Variants in PTPRO observed in about 807,000 individuals in gnomAD.
PTPRO encodes receptor-type tyrosine-protein phosphatase O.
In PTPRO, 62 loss-of-function variants were observed where a neutral mutation model predicts 145.2. That is an observed-to-expected ratio of 0.43 (90% CI 0.35 to 0.53). The LOEUF is 0.53. Among genes scored for constraint, PTPRO ranks in the 20% least tolerant of loss-of-function variants. PTPRO has a pLI of 0.01. For synonymous variants in PTPRO, 565 were observed against 514.7 expected (o/e 1.10, Z -1.32); for missense variants, 1,345 against 1,482.7 (o/e 0.91, Z 1.53).
At chr12:15,513,158 A>T (rs1251461213) in intron 7 of PTPRO, among the ~76,000 whole-genome samples, 1 of 2,214 alleles carries the variant, frequency 4.5e-4, no homozygotes, top group Non-Finnish European at 1.5e-3. Context: ...AAAGAAAGAA[A>T]AAGAAAGAAA....
In PTPRO at chr12:15,508,717, T is replaced by C. The variant is rs1473038376; in HGVS notation, c.1414T>C (p.Cys472Arg). The change falls in exon 7 of 27, where the codon TGC becomes CGC. Residue 472 changes from cysteine (C) to arginine (R), a missense_variant. Transcript: ENST00000281171. ...CATTGTGTCTGTGGTGTCGCTGACC[T>C]GCCAGAAACAAAAGGAGAGCCAGAG... is the stretch of plus-strand genomic sequence containing the variant. Reference protein sequence around the residue: ...STIVSVVSLTCQKQKESQRLE... With the variant: ...STIVSVVSLTRQKQKESQRLE... 6.2e-7 allele frequency: 1 copy of C among 1,614,068 alleles called. No homozygotes were observed. Among genetic ancestry groups the C allele is most frequent in the Non-Finnish European group, 8.5e-7 (1 of 1,180,000 alleles).
intron 1 of PTPRO, among the ~76,000 whole-genome samples, chr12:15,393,463 T>C (rs904674927): frequency 1.3e-5 from 2 of 152,178 alleles, no homozygotes; most frequent in Non-Finnish European, 2.9e-5. Flanking sequence ...CTTTATGACA[T>C]AGTAGATTCG....
At chr12:15,352,378 T>C (rs56060060) in intron 1 of PTPRO, among the ~76,000 whole-genome samples, 36,560 of 152,002 alleles carry the variant, frequency 0.24, 4,616 homozygotes, top group Non-Finnish European at 0.29. Context: ...CAGCCAGGCG[T>C]GGTGGCTCAA....
chr12:15,531,630 T>C (rs1171646128), intron 12 of PTPRO, among the ~76,000 whole-genome samples: 1 of 152,176 alleles, frequency 6.6e-6, no homozygotes, highest in Admixed American at 6.5e-5. Flanking sequence ...TATCCTAAAA[T>C]CTGCCACAGA....
At chr12:15,409,307 A>T (rs1434939755) in intron 1 of PTPRO, among the ~76,000 whole-genome samples, 1 of 152,160 alleles carries the variant, frequency 6.6e-6, no homozygotes, top group Admixed American at 6.6e-5. Flanking sequence ...TACATAGACC[A>T]TCATATGTTG....
At chr12:15,594,915 C>G in intron 25 of PTPRO, 22 bp from the exon 26 acceptor site, 1 of 1,563,908 alleles carries the variant, frequency 6.4e-7, no homozygotes, top group Non-Finnish European at 8.8e-7. Context: ...GCTCTGAAAC[C>G]TGTTTTTGTC....
intron 1 of PTPRO, among the ~76,000 whole-genome samples, chr12:15,381,023 A>G (rs968876217): frequency 3.3e-5 from 5 of 152,326 alleles, no homozygotes; most frequent in Middle Eastern, 3.4e-3. Context: ...TTCTTACAAT[A>G]TAATAACCTA....
At chr12:15,585,844 G>A (rs1427657768) in intron 23 of PTPRO, among the ~76,000 whole-genome samples, 4 of 152,064 alleles carry the variant, frequency 2.6e-5, no homozygotes, top group Non-Finnish European at 5.9e-5. Context: ...AAGTTAGTTG[G>A]GACTAAAAAG....
chr12:15,383,038 C>T (rs1938913152), intron 1 of PTPRO, among the ~76,000 whole-genome samples: 1 of 152,222 alleles, frequency 6.6e-6, no homozygotes, highest in Non-Finnish European at 1.5e-5. Context: ...AATCACCACA[C>T]TGTGCAATAG....
At chr12:15,483,488 T>G (rs2136438229) in intron 1 of PTPRO, among the ~76,000 whole-genome samples, 1 of 152,230 alleles carries the variant, frequency 6.6e-6, no homozygotes, top group East Asian at 1.9e-4. Context: ...CTTTTTATAA[T>G]TTTCAGAGCT....
intron 1 of PTPRO, among the ~76,000 whole-genome samples, chr12:15,479,136 A>T (rs941905191): frequency 2.0e-5 from 3 of 152,212 alleles, no homozygotes; most frequent in Non-Finnish European, 4.4e-5. Flanking sequence ...GATGAAGAAT[A>T]AAAAATTGTT....
intron 12 of PTPRO, among the ~76,000 whole-genome samples, chr12:15,533,498 T>C (rs1416661325): frequency 2.6e-5 from 4 of 152,212 alleles, no homozygotes; most frequent in Admixed American, 6.5e-5. Flanking sequence ...TGAACACCTA[T>C]AACTGCTTAA....
chr12:15,589,501 T>C lies in PTPRO; in HGVS notation c.3457T>C (p.Leu1153=), dbSNP rs142256523. The stretch of plus-strand genomic sequence containing the variant: ...AACATTCATTGCCCTGGACAGGCTC[T>C]TGCAGCACATTCGGGATCATGAGTT... ...TGTFIALDRL[L]QHIRDHEFVD... Residue 1153 remains leucine (L), a synonymous_variant, in exon 25 of 27, where the codon TTG becomes CTG. Transcript: ENST00000281171. 4.5e-5 allele frequency: 73 copies of C among 1,614,074 alleles called. No homozygotes were observed. The highest frequency in any genetic ancestry group is 5.8e-5 in the Non-Finnish European group (69 of 1,180,008).
In PTPRO at chr12:15,508,309, A is replaced by G. The variant is rs1456163038; in HGVS notation, c.1268-262A>G. Among the ~76,000 whole-genome samples, 3 of 152,162 alleles carry G rather than the reference A, an allele frequency of 2.0e-5. No homozygotes were observed. The East Asian group carries it at 5.8e-4, about 29-fold the overall frequency. ...TTTCTCAGGTGAAGAATTTACCAGA[A>G]TACTCTCACATGCACACGATGATTG... On this transcript the variant is annotated intron_variant, in intron 6 of 26. Transcript: ENST00000281171.
intron 1 of PTPRO, among the ~76,000 whole-genome samples, chr12:15,393,628 ATTT>A (rs56808064): frequency 2.5e-4 from 35 of 142,006 alleles, no homozygotes; most frequent in South Asian, 4.5e-4. Flanking sequence ...GTACACTAGG[ATTT>A]TTTTTTTTTT....
chr12:15,574,142 C>A (rs1310475229), intron 19 of PTPRO, among the ~76,000 whole-genome samples: 1 of 152,122 alleles, frequency 6.6e-6, no homozygotes, highest in African/African-American at 2.4e-5. Flanking sequence ...TAGATACTAC[C>A]AATACAGCCA....
chr12:15,359,506 G>A (rs894794823), intron 1 of PTPRO, among the ~76,000 whole-genome samples: 8 of 143,138 alleles, frequency 5.6e-5, no homozygotes, highest in African/African-American at 2.1e-4. Flanking sequence ...GGGATCAAGT[G>A]ATTCTCCTAC....
intron 19 of PTPRO, among the ~76,000 whole-genome samples, chr12:15,573,511 C>T (rs11056565): frequency 0.19 from 28,903 of 152,148 alleles, 2,899 homozygotes; most frequent in Middle Eastern, 0.27. Flanking sequence ...TTCTGATGCT[C>T]TCTTCATACA....
intron 12 of PTPRO, among the ~76,000 whole-genome samples, chr12:15,543,307 C>A (rs1943216201): frequency 6.6e-6 from 1 of 152,142 alleles, no homozygotes; most frequent in Admixed American, 6.5e-5. Flanking sequence ...ATGTCCCAGA[C>A]CTTTAGGAGA....
Sources: allele counts gnomAD v4.1 joint callset (sites outside exome capture counted in the v4.1 genomes callset), GRCh38; gene constraint gnomAD v4.1.1; transcripts MANE v1.5; gene names NCBI Gene and HGNC (gene_info 2026-07-23, HGNC 2026-07-21).